The following ADGRL2 variants were observed in gnomAD, a reference collection of about 807,000 sequenced individuals.
ADGRL2 encodes the protein calcium-independent alpha-latrotoxin receptor 2.
ADGRL2 carries 44 observed loss-of-function variants against 157.4 expected under a neutral mutation model. That is an observed-to-expected ratio of 0.28 (90% CI 0.22 to 0.36). The LOEUF is 0.36. Ranked by LOEUF, ADGRL2 falls within the 10% of genes least tolerant of loss-of-function variation. ADGRL2 has a pLI of 1.00. For missense variants in ADGRL2, 1,510 were observed against 1,768.9 expected, an observed-to-expected ratio of 0.85 and a Z score of 2.63; for synonymous variants, 585 against 624.7, an observed-to-expected ratio of 0.94 and a Z score of 0.95.
chr1:81,541,958 C>T (rs1367285283), intron 2 of ADGRL2, among the ~76,000 whole-genome samples: 1 of 151,984 alleles, frequency 6.6e-6, no homozygotes, highest in Non-Finnish European at 1.5e-5. Context: ...AACTCCATCT[C>T]GAAAAAGTAA....
chr1:81,505,914 C>T (rs370807089), intron 2 of ADGRL2: 8 of 311,870 alleles, frequency 2.6e-5, no homozygotes, highest in African/African-American at 1.3e-4. Flanking sequence ...AAAAGCACCA[C>T]GCTGTGCAAA....
At chr1:81,319,093 C>A (rs1305541739) in intron 1 of ADGRL2, among the ~76,000 whole-genome samples, 1 of 151,552 alleles carries the variant, frequency 6.6e-6, no homozygotes, top group East Asian at 1.9e-4. Context: ...AGGCATGCAC[C>A]ACCACCCCGG....
intron 2 of ADGRL2, among the ~76,000 whole-genome samples, chr1:81,448,125 TTTTC>T (rs1189149821): frequency 4.7e-5 from 7 of 149,460 alleles, no homozygotes; most frequent in African/African-American, 7.4e-5. Flanking sequence ...TTCTTTTTCT[TTTTC>T]TTTCTTTCTT....
intron 3 of ADGRL2, among the ~76,000 whole-genome samples, chr1:81,676,175 A>G (rs2082984767): frequency 6.6e-6 from 1 of 151,816 alleles, no homozygotes; most frequent in Non-Finnish European, 1.5e-5. Flanking sequence ...ATGCCTGGCT[A>G]ATTTTTGGTA....
intron 2 of ADGRL2, among the ~76,000 whole-genome samples, chr1:81,844,958 A>G (rs1368226557): frequency 6.6e-6 from 1 of 152,112 alleles, no homozygotes; most frequent in Non-Finnish European, 1.5e-5. Context: ...AAAAGAGAAA[A>G]TTAAAAAAAT....
chr1:81,324,875 C>T (rs143551194), intron 1 of ADGRL2, among the ~76,000 whole-genome samples: 5,791 of 152,160 alleles, frequency 0.038, 155 homozygotes, highest in South Asian at 0.062. Flanking sequence ...CACCACCACA[C>T]CCAGCTAATT....
At chr1:81,407,265 G>C (rs1362001491) in intron 1 of ADGRL2, among the ~76,000 whole-genome samples, 1 of 152,196 alleles carries the variant, frequency 6.6e-6, no homozygotes, top group African/African-American at 2.4e-5. Flanking sequence ...CATTGCCAAT[G>C]AAAACCAGCC....
rs1459381387 is a variant in ADGRL2 at position 81,691,575 on chromosome 1, T to G, written c.-142-70236T>G. On this transcript the variant is annotated intron_variant, in intron 3 of 24. Transcript: ENST00000370721. ...GTGCAATGGCACGATCTCGGCTCAC[T>G]GCAACCTCCACTTCCTGGGTTCAAG... Among the ~76,000 whole-genome samples, 6 of 152,034 alleles carry G rather than the reference T, an allele frequency of 3.9e-5. No homozygotes were observed. In the East Asian group the frequency reaches 1.2e-3, roughly 29 times the overall value.
chr1:81,752,165 C>T (rs536088215), intron 1 of ADGRL2, among the ~76,000 whole-genome samples: 4 of 152,136 alleles, frequency 2.6e-5, no homozygotes, highest in African/African-American at 7.2e-5. Context: ...AGAGATCCCA[C>T]GCCCCTTCCA....
chr1:81,478,874 T>C (rs887905710), intron 2 of ADGRL2, among the ~76,000 whole-genome samples: 1 of 151,960 alleles, frequency 6.6e-6, no homozygotes, highest in African/African-American at 2.4e-5. Context: ...GAACAAAAAA[T>C]GAGATGCTTA....
intron 3 of ADGRL2, among the ~76,000 whole-genome samples, chr1:81,641,209 A>G (rs952468618): frequency 6.6e-6 from 1 of 152,224 alleles, no homozygotes; most frequent in African/African-American, 2.4e-5. Flanking sequence ...TAGATAGTCC[A>G]CTATTATAGT....
At chr1:81,646,803 C>A (rs1339609538) in intron 3 of ADGRL2, among the ~76,000 whole-genome samples, 1 of 152,076 alleles carries the variant, frequency 6.6e-6, no homozygotes, top group Admixed American at 6.6e-5. Flanking sequence ...CTGACATAGG[C>A]CCTGCCATGC....
chr1:81,839,139 G>C (rs2092428420), intron 2 of ADGRL2, among the ~76,000 whole-genome samples: 1 of 152,002 alleles, frequency 6.6e-6, no homozygotes. Context: ...TTAACCTTCA[G>C]CTATTGAGTT....
chr1:81,851,571 A>G (rs538124028), intron 2 of ADGRL2, among the ~76,000 whole-genome samples: 1 of 152,000 alleles, frequency 6.6e-6, no homozygotes, highest in African/African-American at 2.4e-5. Context: ...TATTTTATAT[A>G]GATTTATACA....
At chr1:81,956,783 A>G (rs961115435) in intron 11 of ADGRL2, among the ~76,000 whole-genome samples, 1 of 152,210 alleles carries the variant, frequency 6.6e-6, no homozygotes, top group Non-Finnish European at 1.5e-5. Flanking sequence ...AAGCTTCCCA[A>G]GCATACATGT....
chr1:81,940,197 T>C (rs535360085), intron 4 of ADGRL2, among the ~76,000 whole-genome samples: 4 of 151,692 alleles, frequency 2.6e-5, no homozygotes, highest in Admixed American at 2.6e-4. Context: ...TTAAAATGTA[T>C]TATTTCCATC....
chr1:81,875,956 G>A (rs1182917421), intron 2 of ADGRL2, among the ~76,000 whole-genome samples: 1 of 152,118 alleles, frequency 6.6e-6, no homozygotes. Flanking sequence ...TTTTTAAAGT[G>A]CATAAGGAGA....
At chr1:81,417,988 G>GC (rs2077060954) in intron 1 of ADGRL2, among the ~76,000 whole-genome samples, 2 of 152,054 alleles carry the variant, frequency 1.3e-5, no homozygotes, top group Non-Finnish European at 2.9e-5. Context: ...GGGCTCACTT[G>GC]AAAATAACTC....
chr1:81,965,938 T>G (rs1656909796), intron 11 of ADGRL2, 120 bp from the exon 12 acceptor site: 9 of 1,022,710 alleles, frequency 8.8e-6, no homozygotes, highest in Non-Finnish European at 1.3e-5. Context: ...AACCTAACAG[T>G]AAAATTTTTT....
Sources: gnomAD v4.1 joint callset for allele counts (sites outside exome capture counted in the v4.1 genomes callset) on GRCh38, gnomAD v4.1.1 for gene constraint, MANE v1.5 for transcripts, NCBI Gene and HGNC (gene_info 2026-07-23, HGNC 2026-07-21) for gene names.